The following DGUOK variants were observed in gnomAD, a reference collection of about 807,000 sequenced individuals.
DGUOK encodes the protein deoxyguanosine kinase, mitochondrial.
In DGUOK, 30 loss-of-function variants were observed where a neutral mutation model predicts 36.6. The ratio of observed to expected loss-of-function variants is 0.82; its 90% CI spans 0.61 to 1.11. The LOEUF is 1.11. DGUOK is among the 50% of genes most tolerant of loss of function. The pLI, the probability that DGUOK is intolerant of heterozygous loss-of-function variation, is 0.00. For synonymous variants in DGUOK, 145 were observed against 126.3 expected, an observed-to-expected ratio of 1.15 and a Z score of -0.99; for missense variants, 361 against 336.4, an observed-to-expected ratio of 1.07 and a Z score of -0.57.
At chr2:73,948,719 A>G (rs1466941770) in intron 3 of DGUOK, among the ~76,000 whole-genome samples, 1 of 152,190 alleles carries the variant, frequency 6.6e-6, no homozygotes. Flanking sequence ...TAAAGGAAAC[A>G]TTAGCATATG....
intron 2 of DGUOK, among the ~76,000 whole-genome samples, chr2:73,943,449 G>A (rs1682055243): frequency 6.6e-6 from 1 of 151,612 alleles, no homozygotes; most frequent in Non-Finnish European, 1.5e-5. Flanking sequence ...GATGTGAGCT[G>A]TGATGCCTGG....
Position 73,939,096 on chromosome 2 carries a change from C to T in DGUOK, c.255+74C>T, listed in dbSNP as rs529107271. On this transcript the variant is annotated intron_variant, in intron 2 of 6. Transcript: ENST00000264093. ...TAATTGTCATAATTTAATTTACTCT[C>T]AGTGAGTAAAGTAGCCCAGTTTGAG... 24 of 1,027,158 alleles carry T rather than the reference C, an allele frequency of 2.3e-5. No individual in the cohort carries two copies. In the African/African-American group the frequency reaches 2.5e-4, roughly 11 times the overall value. The allele number at this position is 1,027,158 out of a possible 1,614,324, so 63.6% of individuals were successfully genotyped here. A position where few individuals can be genotyped will look rare whatever the true frequency, so the allele number is the denominator to read the frequency against.
chr2:73,957,309 G>A (rs1683186417), intron 5 of DGUOK, 69 bp downstream of exon 5: 4 of 1,164,488 alleles, frequency 3.4e-6, no homozygotes, highest in Non-Finnish European at 5.1e-6. Flanking sequence ...TTAAAAACAA[G>A]TTCAGCATGC....
chr2:73,929,130 T>G (rs1680823159), intron 1 of DGUOK, among the ~76,000 whole-genome samples: 1 of 152,180 alleles, frequency 6.6e-6, no homozygotes, highest in African/African-American at 2.4e-5. Context: ...TTCCCCTCCT[T>G]TGGTGTGGTC....
At chr2:73,937,667 T>G (rs1012017340) in intron 1 of DGUOK, among the ~76,000 whole-genome samples, 3 of 152,182 alleles carry the variant, frequency 2.0e-5, no homozygotes, top group Admixed American at 2.0e-4. Context: ...TTAGGAAATA[T>G]GTTGACTTTG....
In DGUOK at chr2:73,938,989, A is replaced by C; in HGVS notation, c.222A>C (p.Thr74=). 6.2e-7 allele frequency: 1 copy of C among 1,614,068 alleles called. No homozygotes were observed. Among genetic ancestry groups the C allele is most frequent in the Non-Finnish European group, 8.5e-7 (1 of 1,179,910 alleles). ...ACGTAGCTACAGAACCTGTAGCAAC[A>C]TGGCAGAATATCCAGGCTGCTGGCA... ...EWHVATEPVA[T]WQNIQAAGTQ... Residue 74 remains threonine (T), a synonymous_variant, in exon 2 of 7, where the codon ACA becomes ACC. Transcript: ENST00000264093.
intron 3 of DGUOK, among the ~76,000 whole-genome samples, chr2:73,948,956 T>A (rs553540139): frequency 6.6e-6 from 1 of 152,266 alleles, no homozygotes; most frequent in Admixed American, 6.5e-5. Flanking sequence ...CTTTATAAGA[T>A]CCTTTTTTGT....
intron 1 of DGUOK, among the ~76,000 whole-genome samples, chr2:73,932,234 T>C (rs900867092): frequency 5.9e-5 from 9 of 152,130 alleles, no homozygotes; most frequent in Middle Eastern, 3.2e-3. Context: ...TCTGACTCTT[T>C]TTACTTTCAT....
intron 1 of DGUOK, among the ~76,000 whole-genome samples, chr2:73,933,808 G>A (rs1469008767): frequency 6.6e-6 from 1 of 152,086 alleles, no homozygotes; most frequent in Non-Finnish European, 1.5e-5. Context: ...CATCATTTCA[G>A]TTATAGTACT....
chr2:73,939,583 T>C (rs1031240632), intron 2 of DGUOK, among the ~76,000 whole-genome samples: 24 of 152,352 alleles, frequency 1.6e-4, no homozygotes, highest in African/African-American at 5.5e-4. Flanking sequence ...GCAGAGGCCA[T>C]AGAGTTGGTT....
rs748579483 is a variant in DGUOK, at chr2:73,950,625, A to G, written c.484A>G (p.Ser162Gly). The G allele has an allele frequency of 6.2e-7, 1 of 1,614,162 alleles. No homozygotes were observed. Among genetic ancestry groups the G allele is most frequent in the Non-Finnish European group, 8.5e-7 (1 of 1,180,018 alleles). Residue 162 changes from serine (S) to glycine (G), a missense_variant, in exon 4 of 7, where the codon AGT becomes GGT. Coordinates refer to ENST00000264093, the MANE Select transcript of DGUOK (RefSeq NM_080916.3). ...GAATCTTTTTGAAAATGGTTCCCTC[A>G]GTGACATCGAGTGGCATATCTATCA... ...AKNLFENGSL[S>G]DIEWHIYQDW...
intron 4 of DGUOK, among the ~76,000 whole-genome samples, chr2:73,955,814 C>T (rs187652503): frequency 1.3e-5 from 2 of 152,156 alleles, no homozygotes; most frequent in African/African-American, 4.8e-5. Context: ...GCAGAGGTTG[C>T]AGTGAGCTGA....
intron 4 of DGUOK, 90 bp downstream of exon 4, chr2:73,950,822 A>G (rs1278003212): frequency 6.5e-7 from 1 of 1,544,156 alleles, no homozygotes; most frequent in East Asian, 2.2e-5. Flanking sequence ...GGTTGGAGAG[A>G]TTAGAGCGTA....
intron 4 of DGUOK, 36 bp from the exon 5 acceptor site, chr2:73,957,089 C>A: frequency 2.0e-6 from 3 of 1,512,612 alleles, no homozygotes; most frequent in Non-Finnish European, 2.8e-6. Context: ...GCCAAAACAG[C>A]AAAGAGCTCA....
chr2:73,945,652 C>T (rs1203484018), intron 2 of DGUOK, among the ~76,000 whole-genome samples: 1 of 152,152 alleles, frequency 6.6e-6, no homozygotes, highest in Non-Finnish European at 1.5e-5. Flanking sequence ...GCGCCTCATC[C>T]ACACAGGCCT....
At chr2:73,955,185 A>G (rs1682995759) in intron 4 of DGUOK, among the ~76,000 whole-genome samples, 1 of 152,254 alleles carries the variant, frequency 6.6e-6, no homozygotes, top group Non-Finnish European at 1.5e-5. Flanking sequence ...GCAGTGAATG[A>G]ATAATTATAA....
At position 73,926,951 on chromosome 2, in the gene DGUOK, C is replaced by T. The variant is rs773299715; in HGVS notation, c.41C>T (p.Pro14Leu). The T allele has an allele frequency of 4.3e-6, 7 of 1,613,480 alleles. No homozygotes were observed. Among genetic ancestry groups the T allele is most frequent in the East Asian group, 2.2e-5 (1 of 44,888 alleles). ...GRLFLSRLRA[P>L]FSSMAKSPLE... Reference sequence around the variant, plus strand: ...CTCTTTCTAAGTCGGCTTCGAGCACCCTTCAGTTCCATGGCCAAGAGCCCA... The same window carrying T: ...CTCTTTCTAAGTCGGCTTCGAGCACTCTTCAGTTCCATGGCCAAGAGCCCA... Residue 14 changes from proline to leucine, a missense_variant, in exon 1 of 7, where the codon CCC (proline) becomes CTC (leucine). Transcript: ENST00000264093.
At chr2:73,956,734 GAAGTA>G (rs1683122808) in intron 4 of DGUOK, among the ~76,000 whole-genome samples, 1 of 152,232 alleles carries the variant, frequency 6.6e-6, no homozygotes. Context: ...ATCCAGGTAA[GAAGTA>G]AAGAGGACCC....
At chr2:73,945,447 A>G (rs1476395443) in intron 2 of DGUOK, among the ~76,000 whole-genome samples, 2 of 152,126 alleles carry the variant, frequency 1.3e-5, no homozygotes, top group Non-Finnish European at 2.9e-5. Flanking sequence ...TCCCTTCAAC[A>G]TTTACTCGCC....
Sources: gnomAD v4.1 joint callset for allele counts (sites outside exome capture counted in the v4.1 genomes callset) on GRCh38, gnomAD v4.1.1 for gene constraint, MANE v1.5 for transcripts, NCBI Gene and HGNC (gene_info 2026-07-23, HGNC 2026-07-21) for gene names.